The following MAG variants were observed in gnomAD, a reference collection of about 807,000 sequenced individuals.
The protein encoded by MAG is myelin associated glycoprotein.
MAG carries 30 observed loss-of-function variants against 60.7 expected under a neutral mutation model. The observed-to-expected ratio is 0.49, with a 90% confidence interval of 0.37 to 0.67. MAG has a LOEUF of 0.67. Among genes scored for constraint, MAG ranks in the 30% least tolerant of loss-of-function variants. The pLI is 0.00. For synonymous variants in MAG, 384 were observed against 376.8 expected (o/e 1.02, Z -0.22); for missense variants, 795 against 851.7 (o/e 0.93, Z 0.83).
In MAG at chr19:35,295,754, G is replaced by A. The variant is rs752139387; in HGVS notation, c.188G>A (p.Ser63Asn). The A allele has an allele frequency of 6.2e-7, 1 of 1,613,902 alleles. No homozygotes were observed. Among genetic ancestry groups the A allele is most frequent in the Admixed American group, 1.7e-5 (1 of 60,006 alleles). Residue 63 changes from serine to asparagine, a missense_variant, in exon 4 of 11, where the codon AGC becomes AAC. Physicochemically the swap from Ser to Asn is conservative, Grantham distance 46. Transcript: ENST00000392213. The surrounding 1 kb of genome is among the most constrained non-coding windows in gnomAD (Gnocchi z 5.8). ...AVVHGVWYFN[S>N]PYPKNYPPVV... is the part of the protein sequence containing the mutation. ...GTGCATGGTGTCTGGTACTTCAATAGCCCCTACCCCAAGAACTACCCCCCG... is the reference window on the plus strand; with the variant it reads ...GTGCATGGTGTCTGGTACTTCAATAACCCCTACCCCAAGAACTACCCCCCG...
rs149262142 is a variant in MAG at position 35,295,422 on chromosome 19, C to T, written c.14C>T (p.Thr5Met). The part of the protein sequence containing the change: MIFL[T>M]ALPLFWIMIS... ...TCGCTGTACAGAATGATATTCCTCA[C>T]GGCACTGCCTCTGTTCTGGATTATG... The change falls in exon 3 of 11, where the codon ACG (threonine) becomes ATG (methionine). Residue 5 changes from threonine to methionine, a missense_variant. Transcript: ENST00000392213. The surrounding 1 kb of genome is among the most constrained non-coding windows in gnomAD (Gnocchi z 5.8). 251 of 1,614,068 alleles carry T rather than the reference C, an allele frequency of 1.6e-4. No homozygotes were observed. In the African/African-American group the frequency reaches 3.0e-3, roughly 19 times the overall value.
chr19:35,295,494 C>G lies in MAG; in HGVS notation c.46+40C>G. On this transcript the variant is annotated intron_variant, in intron 3 of 10. Coordinates refer to ENST00000392213, the MANE Select transcript of MAG (RefSeq NM_002361.4). The surrounding 1 kb of genome is among the most constrained non-coding windows in gnomAD (Gnocchi z 5.8). ...GTGCTGGGGACCTAAAGGCTTTGGCCCCTGAGCAGGTTGGAGGTGGGTCCC... is the reference window on the plus strand; with the variant it reads ...GTGCTGGGGACCTAAAGGCTTTGGCGCCTGAGCAGGTTGGAGGTGGGTCCC... 1 of 1,613,262 alleles carries G rather than the reference C, an allele frequency of 6.2e-7. No individual in the cohort carries two copies. Among genetic ancestry groups the G allele is most frequent in the South Asian group, 1.1e-5 (1 of 90,958 alleles).
At position 35,300,203 on chromosome 19, in the gene MAG, G is replaced by C; in HGVS notation, c.769G>C (p.Val257Leu). 1 of 1,575,162 alleles carries C rather than the reference G, an allele frequency of 6.3e-7. No individual in the cohort carries two copies. The highest frequency in any genetic ancestry group is 8.6e-7 in the Non-Finnish European group (1 of 1,156,814). ...GGTGGAGGCCATCGAGGGCTCCCACGTGAGCCTGCTCTGTGGGGCTGACAG... is the reference window on the plus strand; with the variant it reads ...GGTGGAGGCCATCGAGGGCTCCCACCTGAGCCTGCTCTGTGGGGCTGACAG... Reference protein sequence around the residue: ...SSVEAIEGSHVSLLCGADSNP... With the variant: ...SSVEAIEGSHLSLLCGADSNP... Residue 257 changes from valine to leucine, a missense_variant, in exon 6 of 11, where the codon GTG becomes CTG. Transcript: ENST00000392213.
chr19:35,302,636 G>A lies in MAG; in HGVS notation c.1159G>A (p.Asp387Asn). 6.2e-7 allele frequency: 1 copy of A among 1,614,226 alleles called. No homozygotes were observed. The highest frequency in any genetic ancestry group is 1.1e-5 in the South Asian group (1 of 91,086). The part of the protein sequence containing the change: ...LELPAVSPED[D>N]GEYWCVAENQ... ...GCTGCCGGCCGTGTCACCCGAGGAT[G>A]ATGGAGAGTACTGGTGTGTGGCTGA... The change falls in exon 7 of 11, where the codon GAT (aspartate) becomes AAT (asparagine). Residue 387 changes from aspartate (D) to asparagine (N), a missense_variant. By Grantham distance (23) the Asp-to-Asn change is conservative. Coordinates refer to ENST00000392213, the MANE Select transcript of MAG (RefSeq NM_002361.4).
chr19:35,309,012 C>T (rs2066505117), intron 7 of MAG, among the ~76,000 whole-genome samples: 1 of 152,134 alleles, frequency 6.6e-6, no homozygotes, highest in Non-Finnish European at 1.5e-5. Context: ...TTAGGTGAAC[C>T]ACGGAGCAAC....
intron 1 of MAG, among the ~76,000 whole-genome samples, chr19:35,292,611 A>T (rs1285517476): frequency 6.6e-6 from 1 of 151,694 alleles, no homozygotes; most frequent in East Asian, 1.9e-4. Flanking sequence ...GTGGGCTGTT[A>T]GTGACTGCAT....
In MAG at chr19:35,310,029, TCGGAGCGCAG is replaced by T; in HGVS notation, c.1391_1400del (p.Glu464AlafsTer43). 1 of 1,613,902 alleles carries T rather than the reference TCGGAGCGCAG, an allele frequency of 6.2e-7. No individual in the cohort carries two copies. Among genetic ancestry groups the T allele is most frequent in the Non-Finnish European group, 8.5e-7 (1 of 1,179,924 alleles). On this transcript the variant is annotated frameshift_variant, in exon 8 of 11. Transcript: ENST00000392213. LOFTEE classifies it high-confidence loss of function. ...CGAGAGCGAGCGGGAGTTCGTGTAC[TCGGAGCGCAG>T]CGGCCTCGTGCTCACCAGCATCCTC... is the stretch of plus-strand genomic sequence containing the variant.
Position 35,293,275 on chromosome 19 carries a change from C to CTGTGTG in MAG, c.-79-941_-79-936dup, listed in dbSNP as rs10557696. 7.8e-4 allele frequency among the ~76,000 whole-genome samples: 116 copies of CTGTGTG among 149,122 alleles called. No homozygotes were observed. The highest frequency in any genetic ancestry group is 3.4e-3 in the Middle Eastern group (1 of 290). ...TTGTTAGCCTGGCATGCATGCTGGG[C>CTGTGTG]TGTGTGTGTGTGTGTGTGTGTGTGC... On this transcript the variant is annotated intron_variant, in intron 1 of 10. Transcript: ENST00000392213. This position sits in a 1 kb window ranked among gnomAD's most constrained non-coding sequence, Gnocchi z 4.0.
rs537285264 is a variant in MAG, at chr19:35,295,165, C to A, written c.-23-221C>A. ...CAGAAGCTGAGACAAGAGGATAACA[C>A]GAGCTCAGGATTTTGAGGCTATAGT... On this transcript the variant is annotated intron_variant, in intron 2 of 10. Transcript: ENST00000392213. The surrounding 1 kb of genome is among the most constrained non-coding windows in gnomAD (Gnocchi z 5.8). Among the ~76,000 whole-genome samples the A allele has an allele frequency of 3.3e-5, 5 of 152,214 alleles. No homozygotes were observed. The highest frequency in any genetic ancestry group is 7.4e-5 in the Non-Finnish European group (5 of 68,024).
At chr19:35,307,146 C>T (rs1358142394) in intron 7 of MAG, among the ~76,000 whole-genome samples, 3 of 152,344 alleles carry the variant, frequency 2.0e-5, no homozygotes, top group Non-Finnish European at 2.9e-5. Flanking sequence ...GGTTCAGGTT[C>T]GCTGTTATTA....
chr19:35,311,133 AC>A (rs1298640654), intron 9 of MAG, among the ~76,000 whole-genome samples: 5 of 152,198 alleles, frequency 3.3e-5, no homozygotes, highest in Non-Finnish European at 7.3e-5. Context: ...GGAATCTGAC[AC>A]CAGCCTGGGC....
chr19:35,295,903 G>A lies in MAG; in HGVS notation c.337G>A (p.Gly113Arg). ...LLSNVSPELG[G>R]KYYFRGDLGG... The stretch of plus-strand genomic sequence containing the variant: ...CAGCAACGTCAGCCCCGAGCTGGGC[G>A]GGAAGTACTACTTCCGTGGGGACCT... The change falls in exon 4 of 11, where the codon GGG becomes AGG. Residue 113 changes from glycine (G) to arginine (R), a missense_variant. Coordinates refer to ENST00000392213, the MANE Select transcript of MAG (RefSeq NM_002361.4). This position sits in a 1 kb window ranked among gnomAD's most constrained non-coding sequence, Gnocchi z 5.8. The A allele has an allele frequency of 1.2e-6, 2 of 1,614,036 alleles. No homozygotes were observed. Among genetic ancestry groups the A allele is most frequent in the Non-Finnish European group, 8.5e-7 (1 of 1,180,000 alleles).
intron 1 of MAG, among the ~76,000 whole-genome samples, chr19:35,294,023 TC>T: frequency 6.6e-6 from 1 of 152,064 alleles, no homozygotes; most frequent in East Asian, 1.9e-4. Context: ...CGTTCCCCCT[TC>T]CCTCCCCACA....
At chr19:35,306,898 G>A (rs963392493) in intron 7 of MAG, among the ~76,000 whole-genome samples, 1 of 152,238 alleles carries the variant, frequency 6.6e-6, no homozygotes, top group Admixed American at 6.5e-5. Context: ...TGGCAGAGCT[G>A]GGATTCAAGC....
chr19:35,294,241 T>A lies in MAG; in HGVS notation c.-73T>A, dbSNP rs200439479. The A allele has an allele frequency of 2.3e-6, 1 of 437,000 alleles. No individual in the cohort carries two copies. Among genetic ancestry groups the A allele is most frequent in the Non-Finnish European group, 4.6e-6 (1 of 219,164 alleles). The allele number at this position is 437,000 out of a possible 1,614,324, so 27.1% of individuals were successfully genotyped here. ...TGACTCTTGTTGCATGCAGGTTGTC[T>A]GGCGGCTTCAGGTGGACCCAGAAGA... On this transcript the variant is annotated 5_prime_UTR_variant, in exon 2 of 11. Coordinates refer to ENST00000392213, the MANE Select transcript of MAG (RefSeq NM_002361.4).
chr19:35,301,376 G>A (rs910641383), intron 6 of MAG, among the ~76,000 whole-genome samples: 5 of 151,702 alleles, frequency 3.3e-5, no homozygotes, highest in Non-Finnish European at 5.9e-5. Context: ...CCCAGCACTG[G>A]GGATATTAAT....
intron 7 of MAG, among the ~76,000 whole-genome samples, chr19:35,304,525 T>G (rs1352568662): frequency 6.6e-6 from 1 of 151,928 alleles, no homozygotes; most frequent in Non-Finnish European, 1.5e-5. Context: ...TCTGGTTCAG[T>G]TCTTATTTTT....
At position 35,302,453 on chromosome 19, in the gene MAG, C is replaced by T. The variant is rs151252541; in HGVS notation, c.976C>T (p.Pro326Ser). The change falls in exon 7 of 11, where the codon CCC becomes TCC. Residue 326 changes from proline (P) to serine (S), a missense_variant. By Grantham distance (74) the Pro-to-Ser change is moderately conservative. Transcript: ENST00000392213. Reference protein sequence around the residue: ...RTVGLSVMYAPWKPTVNGTMV... With the variant: ...RTVGLSVMYASWKPTVNGTMV... ...AGTCCCGTCCTACCCCGCAGATGCA[C>T]CCTGGAAGCCAACAGTGAACGGGAC... 1 of 1,614,102 alleles carries T rather than the reference C, an allele frequency of 6.2e-7. No individual in the cohort carries two copies. The highest frequency in any genetic ancestry group is 8.5e-7 in the Non-Finnish European group (1 of 1,180,018).
chr19:35,299,798 C>A lies in MAG; in HGVS notation c.660C>A (p.Ser220=). The change falls in exon 5 of 11, where the codon TCC becomes TCA. Residue 220 remains serine, a synonymous_variant. Transcript: ENST00000392213. ...ANGHRLGCQA[S]FPNTTLQFEG... The stretch of plus-strand genomic sequence containing the variant: ...GCCACAGGCTGGGCTGCCAGGCCTC[C>A]TTCCCCAACACCACCCTGCAGTTCG... The A allele has an allele frequency of 6.5e-7, 1 of 1,541,760 alleles. No individual in the cohort carries two copies. The highest frequency in any genetic ancestry group is 8.7e-7 in the Non-Finnish European group (1 of 1,148,546).
Sources: allele counts gnomAD v4.1 joint callset (sites outside exome capture counted in the v4.1 genomes callset), GRCh38; gene constraint gnomAD v4.1.1; non-coding constraint Gnocchi (gnomAD v3.1); transcripts MANE v1.5; gene names NCBI Gene and HGNC (gene_info 2026-07-23, HGNC 2026-07-21).